The following RBBP6 variants were observed in gnomAD, a reference collection of about 807,000 sequenced individuals.
The protein encoded by RBBP6 is RB binding protein 6, ubiquitin ligase.
Under a neutral mutation model 167.7 loss-of-function variants are expected in RBBP6, and 25 were observed. The ratio of observed to expected loss-of-function variants is 0.15; its 90% CI spans 0.11 to 0.21. The LOEUF (loss-of-function observed/expected upper bound fraction) is 0.21. Among genes scored for constraint, RBBP6 ranks in the 10% least tolerant of loss-of-function variants. RBBP6 has a pLI of 1.00. For missense variants in RBBP6, 1,868 were observed against 2,134.2 expected, an observed-to-expected ratio of 0.88 and a Z score of 2.46; for synonymous variants, 789 against 735.8, an observed-to-expected ratio of 1.07 and a Z score of -1.17.
intron 12 of RBBP6, 53 bp from the exon 13 acceptor site, chr16:24,563,557 T>G (rs1289620000): frequency 1.2e-6 from 2 of 1,610,730 alleles, no homozygotes; most frequent in Non-Finnish European, 1.7e-6. Context: ...AATTTTAGCT[T>G]GATTTAATGT....
At position 24,568,890 on chromosome 16, in the gene RBBP6, C is replaced by A; in HGVS notation, c.2200C>A (p.Pro734Thr). ...TTCCTATTCACGGTCACCTCCATAC[C>A]CCAGAAGAGGCAGAGGCAAGAGCCG... Reference protein sequence around the residue: ...SRSYSRSPPYPRRGRGKSRNY... With the variant: ...SRSYSRSPPYTRRGRGKSRNY... The change falls in exon 17 of 18, where the codon CCC becomes ACC. Residue 734 changes from proline to threonine, a missense_variant. Around this residue, in one of 7 missense-constraint regions of RBBP6, gnomAD observed 673 missense variants for 691.5 expected, o/e 0.97. Transcript: ENST00000319715. 1 of 1,614,166 alleles carries A rather than the reference C, an allele frequency of 6.2e-7. No individual in the cohort carries two copies. Among genetic ancestry groups the A allele is most frequent in the Non-Finnish European group, 8.5e-7 (1 of 1,180,014 alleles).
At position 24,572,648 on chromosome 16, in the gene RBBP6, C is replaced by T. The variant is rs930625563; in HGVS notation, c.*203C>T. On this transcript the variant is annotated 3_prime_UTR_variant, in exon 18 of 18. Transcript: ENST00000319715. ...AGAATTGTGAGTTGTGACCATGTAA[C>T]ATGAGAGGTTTTGCTAGGGCCTATT... 8.9e-6 allele frequency: 6 copies of T among 671,990 alleles called. No individual in the cohort carries two copies. The highest frequency in any genetic ancestry group is 1.1e-5 in the Non-Finnish European group (5 of 449,268). 41.6% of individuals were successfully genotyped at this position (671,990 alleles called of 1,614,324 possible).
intron 3 of RBBP6, among the ~76,000 whole-genome samples, chr16:24,551,259 C>T (rs780320719): frequency 8.6e-5 from 13 of 151,822 alleles, no homozygotes; most frequent in African/African-American, 1.4e-4. Flanking sequence ...TTAATGTCTA[C>T]GGTCTGCATC....
chr16:24,549,207 T>G, intron 3 of RBBP6: 2 of 1,414,858 alleles, frequency 1.4e-6, no homozygotes, highest in Non-Finnish European at 1.8e-6. Flanking sequence ...TGTTTCATAT[T>G]AAATATGATA....
At chr16:24,545,351 C>T (rs971579425) in intron 1 of RBBP6, among the ~76,000 whole-genome samples, 2 of 152,178 alleles carry the variant, frequency 1.3e-5, no homozygotes, top group African/African-American at 2.4e-5. Flanking sequence ...GTATTACAGG[C>T]GTGAACCACC....
Position 24,563,311 on chromosome 16 carries a change from G to C in RBBP6, c.1386+16G>C. ...GGAAGAGAAGGTAAATTTTACTGGT[G>C]CTTTAATTTGGGATTTTTTTTACAG... On this transcript the variant is annotated intron_variant, in intron 11 of 17. Coordinates refer to ENST00000319715, the MANE Select transcript of RBBP6 (RefSeq NM_006910.5). 6.3e-7 allele frequency: 1 copy of C among 1,586,592 alleles called. No homozygotes were observed. The highest frequency in any genetic ancestry group is 8.6e-7 in the Non-Finnish European group (1 of 1,166,356).
At chr16:24,553,307 C>G in intron 3 of RBBP6, 1 of 466,382 alleles carries the variant, frequency 2.1e-6, no homozygotes. Context: ...CCCTCTTCCT[C>G]CCCTCCAACT....
intron 14 of RBBP6, among the ~76,000 whole-genome samples, 156 bp downstream of exon 14, chr16:24,565,021 G>A (rs1567278467): frequency 6.6e-6 from 1 of 151,996 alleles, no homozygotes; most frequent in East Asian, 1.9e-4. Flanking sequence ...CCTTAAAGAG[G>A]GCTAGAAAAG....
rs759488907 is a variant in RBBP6, at chr16:24,571,244, A to G, written c.4178A>G (p.Lys1393Arg). 1 of 1,612,652 alleles carries G rather than the reference A, an allele frequency of 6.2e-7. No homozygotes were observed. ...EIIQHEVKSS[K>R]NSASSEKGKT... ...ATACAACATGAGGTTAAAAGTTCAAAAAACTCTGCATCTAGTGAAAAAGGG... is the reference window on the plus strand; with the variant it reads ...ATACAACATGAGGTTAAAAGTTCAAGAAACTCTGCATCTAGTGAAAAAGGG... Residue 1393 changes from lysine to arginine, a missense_variant, in exon 18 of 18, where the codon AAA becomes AGA. Lys to Arg is a conservative substitution (Grantham distance 26, BLOSUM62 2). Around this residue, in one of 7 missense-constraint regions of RBBP6, gnomAD observed 591 missense variants for 540.5 expected, o/e 1.09. Coordinates refer to ENST00000319715, the MANE Select transcript of RBBP6 (RefSeq NM_006910.5).
rs768638114 is a variant in RBBP6, at chr16:24,561,810, C to G, written c.952-14C>G. The G allele has an allele frequency of 6.2e-7, 1 of 1,607,862 alleles. No individual in the cohort carries two copies. The highest frequency in any genetic ancestry group is 1.7e-5 in the Admixed American group (1 of 59,680). Reference sequence around the variant, plus strand: ...CATAACATTTTTCTGCATTATTATGCTTGGTATCTGTAGGCTGTAAATAAC... The same window carrying G: ...CATAACATTTTTCTGCATTATTATGGTTGGTATCTGTAGGCTGTAAATAAC... On this transcript the variant is annotated splice_polypyrimidine_tract_variant and intron_variant, in intron 9 of 17. Transcript: ENST00000319715.
At chr16:24,548,910 C>A (rs1011324331) in intron 2 of RBBP6, 35 bp from the exon 3 acceptor site, 1 of 1,524,178 alleles carries the variant, frequency 6.6e-7, no homozygotes. Flanking sequence ...TCATAAATAG[C>A]TAATGTTAAT....
At chr16:24,552,207 C>CT (rs1898814318) in intron 3 of RBBP6, among the ~76,000 whole-genome samples, 1 of 151,802 alleles carries the variant, frequency 6.6e-6, no homozygotes, top group African/African-American at 2.4e-5. Context: ...TGAGATGTGT[C>CT]TTATATTTAG....
At chr16:24,567,949 G>A in intron 16 of RBBP6, 56 bp downstream of exon 16, 1 of 1,397,158 alleles carries the variant, frequency 7.2e-7, no homozygotes, top group Non-Finnish European at 1.0e-6. Context: ...TGAATATCCA[G>A]GGATTAGCTA....
chr16:24,549,623 G>A (rs1255644910), intron 3 of RBBP6, among the ~76,000 whole-genome samples: 2 of 151,808 alleles, frequency 1.3e-5, no homozygotes, highest in African/African-American at 4.8e-5. Context: ...TCCTTCTTTT[G>A]TTTACATCTG....
At chr16:24,560,066 A>G (rs1319266109) in intron 8 of RBBP6, among the ~76,000 whole-genome samples, 1 of 151,032 alleles carries the variant, frequency 6.6e-6, no homozygotes, top group Non-Finnish European at 1.5e-5. Context: ...AGCTTATCCT[A>G]ATATTTCTAA....
chr16:24,557,932 A>G (rs1898958359), intron 7 of RBBP6, among the ~76,000 whole-genome samples: 1 of 152,056 alleles, frequency 6.6e-6, no homozygotes, highest in African/African-American at 2.4e-5. Flanking sequence ...TAAACTCCCA[A>G]CCCTGCTCAC....
chr16:24,549,036 T>A (rs776846062), intron 3 of RBBP6, 55 bp downstream of exon 3: 4 of 1,590,374 alleles, frequency 2.5e-6, no homozygotes. Context: ...ACCTTTATAA[T>A]GTAGCAGTGA....
chr16:24,545,025 T>C (rs1327567218), intron 1 of RBBP6, among the ~76,000 whole-genome samples: 1 of 152,210 alleles, frequency 6.6e-6, no homozygotes, highest in Admixed American at 6.5e-5. Context: ...AGCCTGGTTA[T>C]TAGTCCCCTG....
At position 24,553,795 on chromosome 16, in the gene RBBP6, C is replaced by CTT. The variant is rs529015148; in HGVS notation, c.348+239_348+240dup. On this transcript the variant is annotated intron_variant, in intron 4 of 17. Coordinates refer to ENST00000319715, the MANE Select transcript of RBBP6 (RefSeq NM_006910.5). ...GACAGAAGAAACACTTGAAGCTACA[C>CTT]TTAATTATTTTTTTTCCCTCATACA... 69 of 296,938 alleles carry CTT rather than the reference C, an allele frequency of 2.3e-4. No homozygotes were observed. In the Middle Eastern group the frequency reaches 4.9e-3, roughly 21 times the overall value. The allele number at this position is 296,938 out of a possible 1,614,324, so 18.4% of individuals were successfully genotyped here. A position where few individuals can be genotyped will look rare whatever the true frequency, so the allele number is the denominator to read the frequency against.
Sources: allele counts gnomAD v4.1 joint callset (sites outside exome capture counted in the v4.1 genomes callset), GRCh38; gene constraint gnomAD v4.1.1; regional missense constraint gnomAD v4.1.1; transcripts MANE v1.5; gene names NCBI Gene and HGNC (gene_info 2026-07-23, HGNC 2026-07-21).